The following SND1 variants were observed in gnomAD, a reference collection of about 807,000 sequenced individuals.
The protein encoded by SND1 is staphylococcal nuclease and tudor domain containing 1.
In SND1, 38 loss-of-function variants were observed where a neutral mutation model predicts 121.7. That is an observed-to-expected ratio of 0.31 (90% CI 0.24 to 0.41). The LOEUF is 0.41. SND1 is among the 10% of genes least tolerant of loss of function. The pLI, the probability that SND1 is intolerant of heterozygous loss-of-function variation, is 1.00. For synonymous variants in SND1, 401 were observed against 447.4 expected (o/e 0.90, Z 1.31); for missense variants, 868 against 1,184.6 (o/e 0.73, Z 3.92).
At chr7:127,831,052 C>G (rs907637251) in intron 11 of SND1, among the ~76,000 whole-genome samples, 1 of 152,188 alleles carries the variant, frequency 6.6e-6, no homozygotes, top group Non-Finnish European at 1.5e-5. Context: ...CTGTGCTTAC[C>G]TCAGTATTAA....
At chr7:127,772,190 A>G (rs1193418560) in intron 10 of SND1, among the ~76,000 whole-genome samples, 1 of 152,238 alleles carries the variant, frequency 6.6e-6, no homozygotes, top group African/African-American at 2.4e-5. Flanking sequence ...AACAGTCACT[A>G]TGTCCTTGAA....
Position 128,029,246 on chromosome 7 carries a change from C to T in SND1, c.1779+38190C>T. 1 of 1,614,074 alleles carries T rather than the reference C, an allele frequency of 6.2e-7. No homozygotes were observed. Among genetic ancestry groups the T allele is most frequent in the African/African-American group, 1.3e-5 (1 of 74,988 alleles). On this transcript the variant is annotated intron_variant, in intron 16 of 23. Transcript: ENST00000354725. The surrounding 1 kb of genome is among the most constrained non-coding windows in gnomAD (Gnocchi z 4.2). ...TGTACTTTCGCGTTGTGTCCTCAGG[C>T]GAGATCTCCGTGGTCTCCACTGTTA...
At chr7:128,028,054 T>TAA (rs1407566674) in intron 16 of SND1, 1 of 152,756 alleles carries the variant, frequency 6.5e-6, no homozygotes, top group African/African-American at 2.4e-5. Flanking sequence ...TCAGCCCCTT[T>TAA]AAGGGTTCGT....
intron 2 of SND1, 86 bp downstream of exon 2, chr7:127,686,848 C>CAAAATACAAAGAAAGAGTACA: frequency 7.1e-7 from 1 of 1,417,130 alleles, no homozygotes; most frequent in Non-Finnish European, 9.7e-7. Flanking sequence ...TTGATGTACT[C>CAAAATACAAAGAAAGAGTACA]TTTCTTTGTA....
At chr7:128,009,148 C>T (rs1337097511) in intron 16 of SND1, among the ~76,000 whole-genome samples, 1 of 152,178 alleles carries the variant, frequency 6.6e-6, no homozygotes, top group African/African-American at 2.4e-5. Context: ...TGGAACACCA[C>T]ACAAGTTAAG....
rs1793361285 is a variant in SND1 at position 128,068,869 on chromosome 7, T to G, written c.1780-5633T>G. 3.3e-5 allele frequency among the ~76,000 whole-genome samples: 5 copies of G among 152,348 alleles called. No individual in the cohort carries two copies. The South Asian group carries it at 1.0e-3, about 32-fold the overall frequency. On this transcript the variant is annotated intron_variant, in intron 16 of 23. Coordinates refer to ENST00000354725, the MANE Select transcript of SND1 (RefSeq NM_014390.4). ...GTGCCGTTTGTATTAATTTGGTAAA[T>G]AAGCCAGAACAATTTCATTAGTGGC... is the stretch of plus-strand genomic sequence containing the variant.
At chr7:127,886,849 C>CAA (rs11413396) in intron 12 of SND1, among the ~76,000 whole-genome samples, 10,248 of 118,074 alleles carry the variant, frequency 0.087, 642 homozygotes, top group African/African-American at 0.11. Context: ...CTTATTCTGG[C>CAA]AAAAAAAAAA....
intron 17 of SND1, among the ~76,000 whole-genome samples, chr7:128,076,310 T>C (rs1489838344): frequency 6.6e-6 from 1 of 152,224 alleles, no homozygotes; most frequent in Admixed American, 6.5e-5. Flanking sequence ...TGGTGCCACT[T>C]GATGACGCTG....
rs150760542 is a variant in SND1, at chr7:127,960,780, G to C, written c.1670-30167G>C. On this transcript the variant is annotated intron_variant, in intron 15 of 23. Transcript: ENST00000354725. ...TATTTTAGGAGAGAGATTAGGACCA[G>C]ACTGAGAGTCTTTAAGGGATTATAT... is the stretch of plus-strand genomic sequence containing the variant. Among the ~76,000 whole-genome samples the C allele has an allele frequency of 3.5e-3, 533 of 152,338 alleles. 2 individuals carry two copies. The highest frequency in any genetic ancestry group is 0.012 in the African/African-American group (488 of 41,584).
At chr7:127,880,386 G>A (rs1165636908) in intron 12 of SND1, among the ~76,000 whole-genome samples, 1 of 152,098 alleles carries the variant, frequency 6.6e-6, no homozygotes, top group East Asian at 1.9e-4. Flanking sequence ...TTTACTGGGG[G>A]TCTTGGAGCA....
At chr7:128,089,447 T>G (rs1793739429) in intron 21 of SND1, 42 bp from the exon 22 acceptor site, 3 of 1,564,882 alleles carry the variant, frequency 1.9e-6, no homozygotes, top group Non-Finnish European at 1.7e-6. Flanking sequence ...CCCAAGTGGT[T>G]GTTCTCTGGC....
At chr7:127,708,416 TG>T (rs1299089523) in intron 9 of SND1, among the ~76,000 whole-genome samples, 8 of 22,474 alleles carry the variant, frequency 3.6e-4, no homozygotes, top group South Asian at 5.1e-3. Context: ...CCTCCCTTCC[TG>T]CCTTCCTCCC....
intron 1 of SND1, among the ~76,000 whole-genome samples, chr7:127,664,969 C>A (rs941725840): frequency 6.6e-6 from 1 of 152,160 alleles, no homozygotes; most frequent in African/African-American, 2.4e-5. Flanking sequence ...GTAGGAATGA[C>A]AATATCTGGC....
At chr7:127,959,835 A>G (rs1296598383) in intron 15 of SND1, among the ~76,000 whole-genome samples, 4 of 152,200 alleles carry the variant, frequency 2.6e-5, no homozygotes, top group African/African-American at 9.7e-5. Flanking sequence ...GGCACATGGT[A>G]GGCACTTGAT....
chr7:127,704,733 G>T, intron 7 of SND1, 106 bp from the exon 8 acceptor site: 1 of 909,282 alleles, frequency 1.1e-6, no homozygotes, highest in Non-Finnish European at 1.8e-6. Flanking sequence ...CAAACAAACT[G>T]CAGACTAGTT....
intron 20 of SND1, 113 bp from the exon 21 acceptor site, chr7:128,086,825 A>T: frequency 1.2e-6 from 1 of 842,940 alleles, no homozygotes; most frequent in Non-Finnish European, 2.0e-6. Flanking sequence ...TCATGGGATG[A>T]ACAGGGTGGC....
intron 16 of SND1, among the ~76,000 whole-genome samples, chr7:128,006,737 A>G (rs1427409216): frequency 6.6e-6 from 1 of 152,226 alleles, no homozygotes; most frequent in Non-Finnish European, 1.5e-5. Flanking sequence ...AAAGTGAGCC[A>G]ATTCCCAGAA....
At chr7:127,820,406 A>G (rs971009223) in intron 11 of SND1, among the ~76,000 whole-genome samples, 1 of 152,162 alleles carries the variant, frequency 6.6e-6, no homozygotes, top group African/African-American at 2.4e-5. Context: ...GCAGTTTGGA[A>G]GCAAAGCAGC....
chr7:127,806,133 T>C (rs1798234059), intron 10 of SND1, among the ~76,000 whole-genome samples: 1 of 152,204 alleles, frequency 6.6e-6, no homozygotes, highest in Non-Finnish European at 1.5e-5. Flanking sequence ...GAGGGAAACA[T>C]TAAAGTGAAG....
Sources: allele counts gnomAD v4.1 joint callset (sites outside exome capture counted in the v4.1 genomes callset), GRCh38; gene constraint gnomAD v4.1.1; non-coding constraint Gnocchi (gnomAD v3.1); transcripts MANE v1.5; gene names NCBI Gene and HGNC (gene_info 2026-07-23, HGNC 2026-07-21).